DUOXA1: variants seen among roughly 807,000 people sequenced by gnomAD.
DUOXA1 encodes dual oxidase maturation factor 1.
A neutral mutation model predicts 26.6 loss-of-function variants in DUOXA1; 19 were observed. That is an observed-to-expected ratio of 0.71 (90% CI 0.50 to 1.05). The LOEUF is 1.05. DUOXA1 is among the 50% of genes least tolerant of loss of function. The probability of loss-of-function intolerance (pLI) is 0.00; values close to 1 mark genes in which losing one functional copy is unlikely to be tolerated. For missense variants in DUOXA1, 403 were observed against 427.5 expected, an observed-to-expected ratio of 0.94 and a Z score of 0.51; for synonymous variants, 166 against 177.0, an observed-to-expected ratio of 0.94 and a Z score of 0.49.
Position 45,117,611 on chromosome 15 carries a change from G to A in DUOXA1, c.*1495C>T, listed in dbSNP as rs1411519364. 2.5e-6 allele frequency: 4 copies of A among 1,613,564 alleles called. No homozygotes were observed. The African/African-American group carries it at 4.0e-5, about 16-fold the overall frequency. On this transcript the variant is annotated 3_prime_UTR_variant, in exon 9 of 9. Coordinates refer to ENST00000560572, the MANE Select transcript of DUOXA1 (RefSeq NM_001276266.2). Reference sequence around the variant, plus strand: ...CACGCCTGTAATCCCAGCACTTTGGGAGGTCGAGGCAGGAAGGTCGTTTGA... The same window carrying A: ...CACGCCTGTAATCCCAGCACTTTGGAAGGTCGAGGCAGGAAGGTCGTTTGA...
At position 45,120,808 on chromosome 15, in the gene DUOXA1, A is replaced by G. The variant is rs1300832579; in HGVS notation, c.341-3T>C. ...ATTCAGCTGCTGCACGGGGGTCCCT[A>G]GGGCACAAGGCAGCTCTGCTCAGCA... On this transcript the variant is annotated splice_region_variant and splice_polypyrimidine_tract_variant and intron_variant, in intron 6 of 8. Transcript: ENST00000560572. 2 of 1,613,886 alleles carry G rather than the reference A, an allele frequency of 1.2e-6. No individual in the cohort carries two copies. The highest frequency in any genetic ancestry group is 1.7e-6 in the Non-Finnish European group (2 of 1,179,970).
At position 45,120,728 on chromosome 15, in the gene DUOXA1, C is replaced by A; in HGVS notation, c.418G>T (p.Glu140Ter). 1 of 1,614,154 alleles carries A rather than the reference C, an allele frequency of 6.2e-7. No homozygotes were observed. The change falls in exon 7 of 9, where the codon GAG becomes TAG. Residue 140 changes from glutamate to a stop codon, truncating the protein, a stop_gained. Coordinates refer to ENST00000560572, the MANE Select transcript of DUOXA1 (RefSeq NM_001276266.2). LOFTEE classifies it high-confidence loss of function. ...FTWRLGENYA[E>*]EYAKALEKGL... ...TTCTCCAGAGCCTTTGCATACTCCT[C>A]AGCATAGTTCTCACCCAGGCGCCAG...
intron 3 of DUOXA1, among the ~76,000 whole-genome samples, chr15:45,127,847 T>C (rs1190824666): frequency 3.9e-5 from 6 of 152,178 alleles, no homozygotes. Context: ...CAGTGTACAT[T>C]GATATAAATA....
chr15:45,122,975 G>A lies in DUOXA1; in HGVS notation c.40C>T (p.Pro14Ser), dbSNP rs758050290. 6.2e-7 allele frequency: 1 copy of A among 1,613,210 alleles called. No homozygotes were observed. Among genetic ancestry groups the A allele is most frequent in the Non-Finnish European group, 8.5e-7 (1 of 1,179,590 alleles). Residue 14 changes from proline (P) to serine (S), a missense_variant, in exon 4 of 9, where the codon CCC becomes TCC. Coordinates refer to ENST00000560572, the MANE Select transcript of DUOXA1 (RefSeq NM_001276266.2). ...GTGTCCATCGGGAAGGTTGGCTTGG[G>A]GCCAGCATAGAAGGGGAATGTGTGT... is the stretch of plus-strand genomic sequence containing the variant. ...LGHTFPFYAG[P>S]KPTFPMDTTL...
chr15:45,121,063 C>A (rs770891834), intron 6 of DUOXA1, 24 bp downstream of exon 6: 2 of 1,613,746 alleles, frequency 1.2e-6, no homozygotes, highest in South Asian at 2.2e-5. Flanking sequence ...TTCCCCCCCA[C>A]CACAGGTAAG....
chr15:45,117,988 A>T lies in DUOXA1; in HGVS notation c.*1118T>A. ...CAGTGCCCGCCAGGCCTGGGCCAGG[A>T]GAGCTCCAGGAAGGGCACTGAGCGC... On this transcript the variant is annotated 3_prime_UTR_variant, in exon 9 of 9. Coordinates refer to ENST00000560572, the MANE Select transcript of DUOXA1 (RefSeq NM_001276266.2). The T allele has an allele frequency of 6.2e-7, 1 of 1,612,364 alleles. No homozygotes were observed. Among genetic ancestry groups the T allele is most frequent in the Non-Finnish European group, 8.5e-7 (1 of 1,179,438 alleles).
chr15:45,119,388 T>A, intron 8 of DUOXA1, 23 bp from the exon 9 acceptor site: 1 of 1,589,724 alleles, frequency 6.3e-7, no homozygotes, highest in Non-Finnish European at 8.6e-7. Flanking sequence ...GCAACAATTG[T>A]CCCACCTTAG....
chr15:45,124,105 T>A (rs938984060), intron 3 of DUOXA1, among the ~76,000 whole-genome samples: 3 of 152,156 alleles, frequency 2.0e-5, no homozygotes, highest in Non-Finnish European at 4.4e-5. Context: ...TGCAGTGTGA[T>A]CTGTACTGGG....
intron 4 of DUOXA1, among the ~76,000 whole-genome samples, chr15:45,122,638 C>T (rs1243896905): frequency 1.3e-5 from 2 of 152,104 alleles, no homozygotes; most frequent in Non-Finnish European, 2.9e-5. Flanking sequence ...AATCCTCCCA[C>T]TTCAGCCTCC....
chr15:45,118,834 G>C lies in DUOXA1; in HGVS notation c.*272C>G. Reference sequence around the variant, plus strand: ...AGAGGCAAGGCAGCACGGAAAGGCTGGGTTGCTGTGCAGATAAGCTAGCCC... The same window carrying C: ...AGAGGCAAGGCAGCACGGAAAGGCTCGGTTGCTGTGCAGATAAGCTAGCCC... On this transcript the variant is annotated 3_prime_UTR_variant, in exon 9 of 9. Transcript: ENST00000560572. 1 of 1,170,378 alleles carries C rather than the reference G, an allele frequency of 8.5e-7. No homozygotes were observed. Among genetic ancestry groups the C allele is most frequent in the Non-Finnish European group, 1.1e-6 (1 of 947,746 alleles). The allele number at this position is 1,170,378 out of a possible 1,614,324, so 72.5% of individuals were successfully genotyped here.
chr15:45,122,807 A>G, intron 4 of DUOXA1, 61 bp downstream of exon 4: 1 of 1,527,256 alleles, frequency 6.5e-7, no homozygotes, highest in Non-Finnish European at 8.8e-7. Flanking sequence ...AGAGACTCTG[A>G]ACCCCTCAGC....
intron 5 of DUOXA1, 112 bp from the exon 6 acceptor site, chr15:45,121,333 A>T (rs1895181317): frequency 2.0e-6 from 3 of 1,470,626 alleles, no homozygotes; most frequent in African/African-American, 2.8e-5. Flanking sequence ...ATAACTGGAT[A>T]CCCGTTAACT....
intron 3 of DUOXA1, among the ~76,000 whole-genome samples, chr15:45,128,586 C>T (rs558863715): frequency 4.6e-5 from 7 of 152,164 alleles, no homozygotes; most frequent in Non-Finnish European, 7.3e-5. Flanking sequence ...ACGTGTGTAT[C>T]TGTGTATGAA....
intron 5 of DUOXA1, among the ~76,000 whole-genome samples, 154 bp from the exon 6 acceptor site, chr15:45,121,375 A>G (rs1009045550): frequency 1.3e-5 from 2 of 152,184 alleles, no homozygotes; most frequent in African/African-American, 4.8e-5. Context: ...AAGTCTGCCA[A>G]CCACATGTGT....
intron 3 of DUOXA1, 48 bp downstream of exon 3, chr15:45,128,970 T>G (rs7177539): frequency 0.052 from 7,912 of 152,230 alleles, 715 homozygotes; most frequent in African/African-American, 0.18. Flanking sequence ...CGCACAGATC[T>G]AAGCAGCCGC....
At chr15:45,127,417 G>A (rs1895765936) in intron 3 of DUOXA1, among the ~76,000 whole-genome samples, 1 of 152,172 alleles carries the variant, frequency 6.6e-6, no homozygotes, top group Non-Finnish European at 1.5e-5. Context: ...ATAGAACAAT[G>A]TTAACTTATT....
intron 3 of DUOXA1, among the ~76,000 whole-genome samples, chr15:45,127,031 T>C (rs1261434109): frequency 6.6e-6 from 1 of 152,224 alleles, no homozygotes; most frequent in African/African-American, 2.4e-5. Flanking sequence ...TTATAAAATA[T>C]GTGATAGTGG....
intron 3 of DUOXA1, among the ~76,000 whole-genome samples, chr15:45,126,249 T>A (rs1895669374): frequency 6.6e-6 from 1 of 152,238 alleles, no homozygotes; most frequent in Admixed American, 6.5e-5. Flanking sequence ...CTTCTTACTT[T>A]CCCACATAAA....
At chr15:45,126,077 C>T (rs756847776) in intron 3 of DUOXA1, among the ~76,000 whole-genome samples, 9 of 152,204 alleles carry the variant, frequency 5.9e-5, no homozygotes, top group Non-Finnish European at 1.2e-4. Flanking sequence ...GACACCTGGA[C>T]CATCTTACCT....
Sources: allele counts gnomAD v4.1 joint callset (sites outside exome capture counted in the v4.1 genomes callset), GRCh38; gene constraint gnomAD v4.1.1; transcripts MANE v1.5; gene names NCBI Gene and HGNC (gene_info 2026-07-23, HGNC 2026-07-21).